ATG10: variants seen among roughly 807,000 people sequenced by gnomAD.
The protein encoded by ATG10 is ubiquitin-like-conjugating enzyme ATG10.
Under a neutral mutation model 32.1 loss-of-function variants are expected in ATG10, and 30 were observed. The ratio of observed to expected loss-of-function variants is 0.94; its 90% CI spans 0.70 to 1.27. ATG10 has a LOEUF of 1.27. Ranked by LOEUF, ATG10 falls within the 50% of genes most tolerant of loss-of-function variation. The probability of loss-of-function intolerance (pLI) is 0.00; values close to 1 mark genes in which losing one functional copy is unlikely to be tolerated. For synonymous variants in ATG10, 87 were observed against 91.5 expected, an observed-to-expected ratio of 0.95 and a Z score of 0.28; for missense variants, 233 against 262.3, an observed-to-expected ratio of 0.89 and a Z score of 0.77.
At chr5:82,220,669 G>A (rs1185676040) in intron 5 of ATG10, among the ~76,000 whole-genome samples, 8 of 145,484 alleles carry the variant, frequency 5.5e-5, no homozygotes, top group African/African-American at 1.5e-4. Context: ...TTGCTTTGTC[G>A]CCTAGGCTGG....
intron 3 of ATG10, among the ~76,000 whole-genome samples, chr5:82,139,610 C>T (rs1766964952): frequency 7.4e-6 from 1 of 135,350 alleles, no homozygotes; most frequent in African/African-American, 2.9e-5. Context: ...GCCCGGCAGC[C>T]ACCCCATCTG....
intron 1 of ATG10, among the ~76,000 whole-genome samples, chr5:81,975,979 GTTAT>G (rs952793752): frequency 1.3e-5 from 2 of 150,912 alleles, no homozygotes; most frequent in East Asian, 1.9e-4. Flanking sequence ...ATGTTGTAGA[GTTAT>G]TTATTTATTT....
At position 81,987,715 on chromosome 5, in the gene ATG10, G is replaced by A. The variant is rs377282824; in HGVS notation, c.108+37G>A. 9 of 1,518,102 alleles carry A rather than the reference G, an allele frequency of 5.9e-6. No homozygotes were observed. In the African/African-American group the frequency reaches 1.2e-4, roughly 21 times the overall value. The allele number at this position is 1,518,102 out of a possible 1,614,324, so 94.0% of individuals were successfully genotyped here. ...AATGTTTGTTTTCTGTCTCAAAAGAGGATTTTTTGTTTTGTTTTGTTTTGG... is the reference window on the plus strand; with the variant it reads ...AATGTTTGTTTTCTGTCTCAAAAGAAGATTTTTTGTTTTGTTTTGTTTTGG... On this transcript the variant is annotated intron_variant, in intron 2 of 7. Coordinates refer to ENST00000282185, the MANE Select transcript of ATG10 (RefSeq NM_031482.5).
chr5:82,061,360 T>TC (rs397762488), intron 3 of ATG10, among the ~76,000 whole-genome samples: 1 of 151,754 alleles, frequency 6.6e-6, no homozygotes, highest in Non-Finnish European at 1.5e-5. Context: ...GTTTTTTTTT[T>TC]CTTTTTCTTT....
chr5:82,127,358 C>G (rs1259418154), intron 3 of ATG10, among the ~76,000 whole-genome samples: 1 of 152,026 alleles, frequency 6.6e-6, no homozygotes, highest in African/African-American at 2.4e-5. Flanking sequence ...TCCTCTAGTT[C>G]TTTTAATTGT....
chr5:82,178,490 A>G lies in ATG10; in HGVS notation c.356A>G (p.Asp119Gly). The change falls in exon 5 of 8, where the codon GAT becomes GGT. Residue 119 changes from aspartate to glycine, a missense_variant and splice_region_variant. Asp to Gly is a moderately conservative substitution (Grantham distance 94, BLOSUM62 -1). Transcript: ENST00000282185. The stretch of plus-strand genomic sequence containing the variant: ...CAGTCTTTACCATGCACTTTCACAG[A>G]TGGGAGACCTTTAACTCTGAAGGAC... ...PVLYFRASFL[D>G]GRPLTLKDIW... 1.9e-6 allele frequency: 3 copies of G among 1,598,150 alleles called. No homozygotes were observed. Among genetic ancestry groups the G allele is most frequent in the Non-Finnish European group, 1.7e-6 (2 of 1,165,814 alleles).
intron 2 of ATG10, among the ~76,000 whole-genome samples, chr5:82,022,454 G>A (rs560629754): frequency 2.7e-5 from 4 of 149,208 alleles, no homozygotes; most frequent in East Asian, 2.0e-4. Flanking sequence ...TCAGCCTCCC[G>A]AGTAGCTGGG....
chr5:82,028,101 G>A (rs752030774), intron 2 of ATG10, among the ~76,000 whole-genome samples: 7 of 152,194 alleles, frequency 4.6e-5, no homozygotes, highest in Non-Finnish European at 4.4e-5. Context: ...TTACCACCTA[G>A]TGTGAAAATT....
At chr5:82,015,304 T>C (rs185613045) in intron 2 of ATG10, among the ~76,000 whole-genome samples, 222 of 152,286 alleles carry the variant, frequency 1.5e-3, no homozygotes, top group African/African-American at 5.0e-3. Context: ...AATGATGTGT[T>C]GTGGAGTTGC....
chr5:82,224,115 T>C (rs1746029863), intron 5 of ATG10, among the ~76,000 whole-genome samples: 1 of 152,152 alleles, frequency 6.6e-6, no homozygotes, highest in African/African-American at 2.4e-5. Context: ...TGTTGTTGTG[T>C]TTGCTGCTAT....
intron 5 of ATG10, among the ~76,000 whole-genome samples, chr5:82,201,329 T>G (rs537272268): frequency 1.3e-5 from 2 of 152,352 alleles, no homozygotes; most frequent in South Asian, 4.1e-4. Context: ...TGATTTAATT[T>G]TTATGTAAGC....
At chr5:82,167,295 A>G (rs956621367) in intron 4 of ATG10, among the ~76,000 whole-genome samples, 1 of 152,224 alleles carries the variant, frequency 6.6e-6, no homozygotes, top group African/African-American at 2.4e-5. Context: ...GCTTCAAGAT[A>G]AAAACAAGAG....
In ATG10 at chr5:82,103,305, T is replaced by G. The variant is rs1415269429; in HGVS notation, c.216+44703T>G. Among the ~76,000 whole-genome samples, 5 of 152,194 alleles carry G rather than the reference T, an allele frequency of 3.3e-5. 1 individual carries two copies. The highest frequency in any genetic ancestry group is 7.4e-5 in the Non-Finnish European group (5 of 68,022). On this transcript the variant is annotated intron_variant, in intron 3 of 7. Transcript: ENST00000282185. The stretch of plus-strand genomic sequence containing the variant: ...CTTTTATGACAGTATCTGATACACA[T>G]TGATCAAAAATTGTTGATTTCTTTT...
chr5:81,986,645 CAG>C (rs1447291733), intron 1 of ATG10, among the ~76,000 whole-genome samples: 11 of 151,968 alleles, frequency 7.2e-5, no homozygotes, highest in Non-Finnish European at 1.6e-4. Context: ...TGAAGCCAAA[CAG>C]GGGTTTAAAA....
intron 3 of ATG10, among the ~76,000 whole-genome samples, chr5:82,131,047 G>T (rs1357579153): frequency 1.3e-5 from 2 of 152,008 alleles, no homozygotes; most frequent in Non-Finnish European, 2.9e-5. Flanking sequence ...AGAAACATGG[G>T]CACAATAGAC....
At chr5:82,164,773 T>C (rs1285982212) in intron 4 of ATG10, among the ~76,000 whole-genome samples, 1 of 152,244 alleles carries the variant, frequency 6.6e-6, no homozygotes, top group Non-Finnish European at 1.5e-5. Flanking sequence ...GCCTTTTGCC[T>C]GAAGTTGACT....
chr5:82,130,571 C>T (rs946954190), intron 3 of ATG10, among the ~76,000 whole-genome samples: 5 of 152,002 alleles, frequency 3.3e-5, no homozygotes, highest in African/African-American at 9.7e-5. Flanking sequence ...AGGCACAGTT[C>T]CTCATGGCTT....
rs574661010 is a variant in ATG10, at chr5:82,133,806, T to A, written c.217-30593T>A. Among the ~76,000 whole-genome samples the A allele has an allele frequency of 5.2e-4, 79 of 151,610 alleles. 1 individual carries two copies. The highest frequency in any genetic ancestry group is 1.7e-3 in the African/African-American group (72 of 41,438). ...GGGAATAGCATTGAATCTATAAATTTGGGCAGTATGGCCATTTTCACGATA... is the reference window on the plus strand; with the variant it reads ...GGGAATAGCATTGAATCTATAAATTAGGGCAGTATGGCCATTTTCACGATA... On this transcript the variant is annotated intron_variant, in intron 3 of 7. Coordinates refer to ENST00000282185, the MANE Select transcript of ATG10 (RefSeq NM_031482.5).
chr5:82,164,898 C>G (rs1743515560), intron 4 of ATG10, among the ~76,000 whole-genome samples: 1 of 152,174 alleles, frequency 6.6e-6, no homozygotes, highest in Admixed American at 6.5e-5. Flanking sequence ...CTCAGATGAT[C>G]CAATTAACTC....
Sources: gnomAD v4.1 joint callset for allele counts (sites outside exome capture counted in the v4.1 genomes callset) on GRCh38, gnomAD v4.1.1 for gene constraint, MANE v1.5 for transcripts, NCBI Gene and HGNC (gene_info 2026-07-23, HGNC 2026-07-21) for gene names.